The following FERMT1 variants were observed in gnomAD, a reference collection of about 807,000 sequenced individuals.
The protein encoded by FERMT1 is fermitin family homolog 1.
FERMT1 carries 60 observed loss-of-function variants against 85.3 expected under a neutral mutation model. The ratio of observed to expected loss-of-function variants is 0.70; its 90% confidence interval spans 0.57 to 0.87. The LOEUF is 0.87. Among genes scored for constraint, FERMT1 ranks in the 40% least tolerant of loss-of-function variants. The pLI, the probability that FERMT1 is intolerant of heterozygous loss-of-function variation, is 0.00. For synonymous variants in FERMT1, 275 were observed against 301.1 expected (o/e 0.91, Z 0.90); for missense variants, 701 against 818.9 (o/e 0.86, Z 1.76).
intron 13 of FERMT1, among the ~76,000 whole-genome samples, chr20:6,082,038 C>T (rs1291519728): frequency 6.6e-6 from 1 of 152,146 alleles, no homozygotes; most frequent in East Asian, 1.9e-4. Context: ...GTGGGCAGAT[C>T]CCGATTCCGC....
At chr20:6,101,711 G>A (rs1333251581) in intron 6 of FERMT1, among the ~76,000 whole-genome samples, 3 of 152,148 alleles carry the variant, frequency 2.0e-5, no homozygotes, top group South Asian at 4.1e-4. Context: ...GGAGTGCAAT[G>A]GCGCGATCTC....
At position 6,075,657 on chromosome 20, in the gene FERMT1, C is replaced by T. The variant is rs763484391; in HGVS notation, c.*1516G>A. On this transcript the variant is annotated 3_prime_UTR_variant, in exon 15 of 15. Transcript: ENST00000217289. ...ATGTGGCTCCCGGAATTGCTGAGGT[C>T]TCACTTCTCAGAGGGCTTTGATGGA... The T allele has an allele frequency of 6.6e-6, 1 of 152,274 alleles. No homozygotes were observed. Among genetic ancestry groups the T allele is most frequent in the Non-Finnish European group, 1.5e-5 (1 of 68,052 alleles). 9.4% of individuals were successfully genotyped at this position (152,274 alleles called of 1,614,324 possible).
chr20:6,115,998 C>T lies in FERMT1; in HGVS notation c.198G>A (p.Lys66=). Residue 66 remains lysine, a synonymous_variant, in exon 3 of 15, where the codon AAG becomes AAA. Coordinates refer to ENST00000217289, the MANE Select transcript of FERMT1 (RefSeq NM_017671.5). The part of the protein sequence containing the change: ...WSDFALWWEQ[K]HCWLLKTHWT... The stretch of plus-strand genomic sequence containing the variant: ...AGTGGGTTTTCAGAAGCCAGCAATG[C>T]TTCTGTTCCCACCAAAGAGCAAAGT... 7 of 1,614,152 alleles carry T rather than the reference C, an allele frequency of 4.3e-6. No homozygotes were observed. Among genetic ancestry groups the T allele is most frequent in the Non-Finnish European group, 4.2e-6 (5 of 1,180,022 alleles).
Position 6,097,024 on chromosome 20 carries a change from T to C in FERMT1, c.967A>G (p.Ser323Gly). 6.2e-7 allele frequency: 1 copy of C among 1,613,944 alleles called. No homozygotes were observed. The highest frequency in any genetic ancestry group is 8.5e-7 in the Non-Finnish European group (1 of 1,179,840). Residue 323 changes from serine to glycine, a missense_variant, in exon 8 of 15, where the codon AGC (serine) becomes GGC (glycine). Transcript: ENST00000217289. ...LIFAALQYHI[S>G]KLSLSAETQD... is the part of the protein sequence containing the mutation. Reference sequence around the variant, plus strand: ...GTTTCAGCAGACAACGACAGTTTGCTAATGTGGTACTAAAATGAAAACAGA... The same window carrying C: ...GTTTCAGCAGACAACGACAGTTTGCCAATGTGGTACTAAAATGAAAACAGA...
intron 9 of FERMT1, among the ~76,000 whole-genome samples, chr20:6,091,448 T>G (rs1018873831): frequency 1.4e-4 from 21 of 151,972 alleles, no homozygotes; most frequent in African/African-American, 4.1e-4. Flanking sequence ...TAGACTGGTC[T>G]TGAACTCCTG....
At chr20:6,097,102 G>C (rs1982525557) in intron 7 of FERMT1, 69 bp from the exon 8 acceptor site, 1 of 1,505,092 alleles carries the variant, frequency 6.6e-7, no homozygotes, top group African/African-American at 1.4e-5. Flanking sequence ...GAATCCATTA[G>C]CCATTTTTTT....
intron 5 of FERMT1, among the ~76,000 whole-genome samples, chr20:6,108,479 G>C (rs1434395201): frequency 6.6e-6 from 1 of 152,086 alleles, no homozygotes; most frequent in African/African-American, 2.4e-5. Flanking sequence ...TGTAGACAAA[G>C]AGACTTAGTC....
At chr20:6,113,570 C>T (rs6038359) in intron 3 of FERMT1, among the ~76,000 whole-genome samples, 21,628 of 152,126 alleles carry the variant, frequency 0.14, 2,067 homozygotes, top group African/African-American at 0.27. Flanking sequence ...TGGCTTCTGG[C>T]GGAATCTAGA....
intron 3 of FERMT1, among the ~76,000 whole-genome samples, chr20:6,113,975 C>T (rs539204711): frequency 6.6e-6 from 1 of 152,316 alleles, no homozygotes; most frequent in South Asian, 2.1e-4. Flanking sequence ...TAACCTTTAA[C>T]TACACTAGTG....
chr20:6,105,591 A>G (rs929890841), intron 6 of FERMT1, among the ~76,000 whole-genome samples: 3 of 152,238 alleles, frequency 2.0e-5, no homozygotes, highest in African/African-American at 7.2e-5. Context: ...TCTTTATTCA[A>G]TTAACTAAAA....
At position 6,076,912 on chromosome 20, in the gene FERMT1, G is replaced by A. The variant is rs55924257; in HGVS notation, c.*261C>T. 1,042 of 527,152 alleles carry A rather than the reference G, an allele frequency of 2.0e-3. 10 individuals are homozygous for A. The highest frequency in any genetic ancestry group is 0.018 in the African/African-American group (945 of 52,476). 32.7% of individuals were successfully genotyped at this position (527,152 alleles called of 1,614,324 possible). The stretch of plus-strand genomic sequence containing the variant: ...CTGTAACCACATGCTGGGCCTTAGA[G>A]CAATCTTAGGGCACCTGCTTTTCTC... On this transcript the variant is annotated 3_prime_UTR_variant, in exon 15 of 15. Coordinates refer to ENST00000217289, the MANE Select transcript of FERMT1 (RefSeq NM_017671.5).
At chr20:6,109,858 C>A (rs559838624) in intron 5 of FERMT1, among the ~76,000 whole-genome samples, 1 of 150,194 alleles carries the variant, frequency 6.7e-6, no homozygotes, top group Non-Finnish European at 1.5e-5. Context: ...GCTGAGATTG[C>A]GCCATTGCAC....
At chr20:6,087,606 G>C (rs980225596) in intron 11 of FERMT1, 171 bp downstream of exon 11, 1 of 660,320 alleles carries the variant, frequency 1.5e-6, no homozygotes, top group Non-Finnish European at 2.8e-6. Context: ...CCACTGCATG[G>C]CAAATGTTTA....
At position 6,116,033 on chromosome 20, in the gene FERMT1, C is replaced by A; in HGVS notation, c.163G>T (p.Asp55Tyr). 1 of 1,613,600 alleles carries A rather than the reference C, an allele frequency of 6.2e-7. No homozygotes were observed. Among genetic ancestry groups the A allele is most frequent in the South Asian group, 1.1e-5 (1 of 91,040 alleles). Reference sequence around the variant, plus strand: ...CACCAAAGAGCAAAGTCTGACCAGTCTTGGGATATATCTGCAAAAATGAAA... The same window carrying A: ...CACCAAAGAGCAAAGTCTGACCAGTATTGGGATATATCTGCAAAAATGAAA... ...KLVEQINISQ[D>Y]WSDFALWWEQ... The change falls in exon 3 of 15, where the codon GAC becomes TAC. Residue 55 changes from aspartate to tyrosine, a missense_variant. By Grantham distance (160) the Asp-to-Tyr change is radical (BLOSUM62 -3). Transcript: ENST00000217289.
At chr20:6,116,537 G>A (rs535079400) in intron 2 of FERMT1, among the ~76,000 whole-genome samples, 5 of 152,068 alleles carry the variant, frequency 3.3e-5, no homozygotes, top group South Asian at 2.1e-4. Context: ...AGACCAGCCC[G>A]GCCTACATGG....
At chr20:6,094,168 C>T (rs559671866) in intron 9 of FERMT1, 10 of 152,126 alleles carry the variant, frequency 6.6e-5, no homozygotes, top group Non-Finnish European at 1.2e-4. Flanking sequence ...ACTTGTGTTT[C>T]CTTTAAAGCC....
rs1982756095 is a variant in FERMT1, at chr20:6,104,840, A to G, written c.849+2692T>C. Among the ~76,000 whole-genome samples the G allele has an allele frequency of 6.6e-6, 1 of 152,200 alleles. No homozygotes were observed. On this transcript the variant is annotated intron_variant, in intron 6 of 14. Transcript: ENST00000217289. This position sits in a 1 kb window ranked among gnomAD's most constrained non-coding sequence, Gnocchi z 4.2. ...TCTATATTTATACCAATGATCTGCCATTATCTGGCTTATTTGACTGTGAAG... is the reference window on the plus strand; with the variant it reads ...TCTATATTTATACCAATGATCTGCCGTTATCTGGCTTATTTGACTGTGAAG...
chr20:6,085,315 A>T, intron 11 of FERMT1, 28 bp from the exon 12 acceptor site: 1 of 1,603,152 alleles, frequency 6.2e-7, no homozygotes, highest in Non-Finnish European at 8.5e-7. Flanking sequence ...TTGAGAAGCA[A>T]GCTCAAGTGC....
At chr20:6,102,382 T>G (rs1300879838) in intron 6 of FERMT1, among the ~76,000 whole-genome samples, 1 of 151,880 alleles carries the variant, frequency 6.6e-6, no homozygotes, top group Non-Finnish European at 1.5e-5. Context: ...TTTCTTTGCT[T>G]AATTGAAAAT....
Sources: allele counts gnomAD v4.1 joint callset (sites outside exome capture counted in the v4.1 genomes callset), GRCh38; gene constraint gnomAD v4.1.1; non-coding constraint Gnocchi (gnomAD v3.1); transcripts MANE v1.5; gene names NCBI Gene and HGNC (gene_info 2026-07-23, HGNC 2026-07-21).